Variants in DCN observed in about 807,000 individuals in gnomAD.
The protein encoded by DCN is decorin.
A neutral mutation model predicts 36.5 loss-of-function variants in DCN; 17 were observed. The ratio of observed to expected loss-of-function variants is 0.47; its 90% CI spans 0.32 to 0.70. DCN has a LOEUF of 0.70. DCN is among the 30% of genes least tolerant of loss of function. The pLI is 0.04. For synonymous variants in DCN, 163 were observed against 161.4 expected (o/e 1.01, Z -0.07); for missense variants, 389 against 430.1 (o/e 0.90, Z 0.84).
chr12:91,175,956 C>T (rs1305443513), intron 2 of DCN: 1 of 152,028 alleles, frequency 6.6e-6, no homozygotes, highest in African/African-American at 2.4e-5. Context: ...TACTATGACC[C>T]AGGTACCTCA....
At chr12:91,167,860 G>A (rs982836416) in intron 2 of DCN, among the ~76,000 whole-genome samples, 10 of 151,922 alleles carry the variant, frequency 6.6e-5, no homozygotes, top group African/African-American at 2.4e-4. Context: ...TTTTGTTTGA[G>A]ACAAGAGTCT....
chr12:91,166,756 A>G (rs573359412), intron 2 of DCN, among the ~76,000 whole-genome samples: 10 of 152,262 alleles, frequency 6.6e-5, no homozygotes, highest in African/African-American at 1.4e-4. Context: ...TAATTTATAT[A>G]CATCTTATTT....
intron 5 of DCN, among the ~76,000 whole-genome samples, chr12:91,155,008 TG>T (rs1881668301): frequency 6.6e-6 from 1 of 152,118 alleles, no homozygotes. Context: ...TCCATTTCCA[TG>T]AGTGATGGGA....
At chr12:91,162,058 A>G (rs1882191234) in intron 3 of DCN, among the ~76,000 whole-genome samples, 7 of 151,682 alleles carry the variant, frequency 4.6e-5, no homozygotes. Flanking sequence ...CTCCTGCCTC[A>G]GACTCCCGAG....
intron 3 of DCN, among the ~76,000 whole-genome samples, chr12:91,162,434 T>C (rs1227967685): frequency 6.6e-6 from 1 of 152,188 alleles, no homozygotes; most frequent in Non-Finnish European, 1.5e-5. Context: ...ACCAGTTTAT[T>C]CTATTTTATA....
intron 3 of DCN, 101 bp downstream of exon 3, chr12:91,164,504 C>G: frequency 1.9e-6 from 1 of 514,676 alleles, no homozygotes; most frequent in Non-Finnish European, 3.7e-6. Context: ...CACTAATGTG[C>G]TTCTTTGTTG....
chr12:91,173,550 A>G (rs1883108911), intron 2 of DCN, among the ~76,000 whole-genome samples: 1 of 152,104 alleles, frequency 6.6e-6, no homozygotes, highest in Admixed American at 6.6e-5. Flanking sequence ...CCCAATGTCA[A>G]TTTAGGCAAT....
chr12:91,159,912 C>A (rs995544549), intron 3 of DCN, among the ~76,000 whole-genome samples: 15 of 151,866 alleles, frequency 9.9e-5, no homozygotes, highest in African/African-American at 3.6e-4. Context: ...TGTGGAGGGG[C>A]AAAAGGGGAC....
In DCN at chr12:91,145,018, C is replaced by T. The variant is rs1592673695; in HGVS notation, c.*1040G>A. The T allele has an allele frequency of 1.3e-5, 2 of 152,302 alleles. No individual in the cohort carries two copies. The highest frequency in any genetic ancestry group is 1.9e-4 in the East Asian group (1 of 5,186). 9.4% of individuals were successfully genotyped at this position (152,302 alleles called of 1,614,324 possible). A position where few individuals can be genotyped will look rare whatever the true frequency, so the allele number is the denominator to read the frequency against. On this transcript the variant is annotated 3_prime_UTR_variant, in exon 8 of 8. Coordinates refer to ENST00000052754, the MANE Select transcript of DCN (RefSeq NM_001920.5). ...GGGGTTTTAACCATCAAATATCTAA[C>T]TTCATAGAAGACAGAAACTATTTTC...
intron 3 of DCN, among the ~76,000 whole-genome samples, chr12:91,164,223 G>A (rs1242339284): frequency 1.3e-5 from 2 of 151,830 alleles, no homozygotes; most frequent in African/African-American, 4.8e-5. Flanking sequence ...TGGTGGGGTC[G>A]GGGGAAGGGG....
chr12:91,153,682 A>T (rs947674295), intron 5 of DCN, among the ~76,000 whole-genome samples: 5 of 152,158 alleles, frequency 3.3e-5, no homozygotes, highest in Non-Finnish European at 7.4e-5. Context: ...TCTTAGCCTT[A>T]ATTGACTTTT....
Position 91,145,368 on chromosome 12 carries a change from G to A in DCN, c.*690C>T, listed in dbSNP as rs1196893230. 1.3e-5 allele frequency: 2 copies of A among 153,830 alleles called. No individual in the cohort carries two copies. Among genetic ancestry groups the A allele is most frequent in the East Asian group, 3.8e-4 (2 of 5,202 alleles). The allele number at this position is 153,830 out of a possible 1,614,324, so 9.5% of individuals were successfully genotyped here. ...GCTTTATAAGCTTACATTCAACATA[G>A]ATGACATAAGTTACCATACTCAAAT... On this transcript the variant is annotated 3_prime_UTR_variant, in exon 8 of 8. Coordinates refer to ENST00000052754, the MANE Select transcript of DCN (RefSeq NM_001920.5).
intron 2 of DCN, among the ~76,000 whole-genome samples, chr12:91,165,835 T>C (rs1592696973): frequency 6.6e-6 from 1 of 152,176 alleles, no homozygotes; most frequent in Middle Eastern, 3.2e-3. Flanking sequence ...TGAATACCTC[T>C]TGGGCACCAT....
At chr12:91,161,298 T>A (rs1381879187) in intron 3 of DCN, among the ~76,000 whole-genome samples, 1 of 152,206 alleles carries the variant, frequency 6.6e-6, no homozygotes, top group Non-Finnish European at 1.5e-5. Context: ...TGTCACTTAC[T>A]TAAGGATATA....
Position 91,143,734 on chromosome 12 carries a change from G to A in DCN, c.*2324C>T, listed in dbSNP as rs1052408544. On this transcript the variant is annotated 3_prime_UTR_variant, in exon 8 of 8. Transcript: ENST00000052754. ...CTTCCCTTAGTCATGCAAATAGTAA[G>A]TGTCGAAGCCAAAGAAATCAGCTAT... is the stretch of plus-strand genomic sequence containing the variant. 1.4e-4 allele frequency: 21 copies of A among 151,268 alleles called. No individual in the cohort carries two copies. The highest frequency in any genetic ancestry group is 4.4e-4 in the African/African-American group (18 of 41,156). 9.4% of individuals were successfully genotyped at this position (151,268 alleles called of 1,614,324 possible). A position where few individuals can be genotyped will look rare whatever the true frequency, so the allele number is the denominator to read the frequency against.
Position 91,144,079 on chromosome 12 carries a change from T to C in DCN, c.*1979A>G, listed in dbSNP as rs1388843135. ...ACTTATTTCTCACCACACTTGTCAG[T>C]TAAGCAGCAGGATATCTGCAGGCTT... On this transcript the variant is annotated 3_prime_UTR_variant, in exon 8 of 8. Transcript: ENST00000052754. 1.3e-5 allele frequency: 2 copies of C among 152,088 alleles called. No individual in the cohort carries two copies. Among genetic ancestry groups the C allele is most frequent in the African/African-American group, 4.8e-5 (2 of 41,424 alleles). The allele number at this position is 152,088 out of a possible 1,614,324, so 9.4% of individuals were successfully genotyped here. A position where few individuals can be genotyped will look rare whatever the true frequency, so the allele number is the denominator to read the frequency against.
intron 7 of DCN, among the ~76,000 whole-genome samples, chr12:91,150,553 G>T (rs1473805153): frequency 6.6e-6 from 1 of 152,124 alleles, no homozygotes; most frequent in Non-Finnish European, 1.5e-5. Flanking sequence ...ATTATCTCAT[G>T]CCAGTCAGTA....
chr12:91,143,811 A>AAAAGATATATATATAAATATATATATAT lies in DCN; in HGVS notation c.*2219_*2246dup, dbSNP rs1880854751. Reference sequence around the variant, plus strand: ...AGATACATATATATGTATATATGCAAAAAGATATATATATAAATATATATA... The same window carrying AAAAGATATATATATAAATATATATATAT: ...AGATACATATATATGTATATATGCAAAAAGATATATATATAAATATATATATATAAAGATATATATATAAATATATATA... On this transcript the variant is annotated 3_prime_UTR_variant, in exon 8 of 8. Transcript: ENST00000052754. 6.7e-6 allele frequency: 1 copy of AAAAGATATATATATAAATATATATATAT among 148,430 alleles called. No homozygotes were observed. The highest frequency in any genetic ancestry group is 2.4e-5 in the African/African-American group (1 of 40,820). 9.2% of individuals were successfully genotyped at this position (148,430 alleles called of 1,614,324 possible).
chr12:91,170,301 C>G (rs1882875905), intron 2 of DCN, among the ~76,000 whole-genome samples: 1 of 152,082 alleles, frequency 6.6e-6, no homozygotes, highest in African/African-American at 2.4e-5. Context: ...GATTATTCAT[C>G]TGTAACTCTT....
Sources: gnomAD v4.1 joint callset for allele counts (sites outside exome capture counted in the v4.1 genomes callset) on GRCh38, gnomAD v4.1.1 for gene constraint, MANE v1.5 for transcripts, NCBI Gene and HGNC (gene_info 2026-07-23, HGNC 2026-07-21) for gene names.